The following RTF2 variants were observed in gnomAD, a reference collection of about 807,000 sequenced individuals.
The protein encoded by RTF2 is replication termination factor 2, also known as UPF0549 protein C20orf43.
RTF2 carries 18 observed loss-of-function variants against 38.0 expected under a neutral mutation model. The observed-to-expected ratio is 0.47, with a 90% CI of 0.33 to 0.70. The LOEUF (loss-of-function observed/expected upper bound fraction) is 0.70. Ranked by LOEUF, RTF2 falls within the 30% of genes least tolerant of loss-of-function variation. The pLI, the probability that RTF2 is intolerant of heterozygous loss-of-function variation, is 0.02. For synonymous variants in RTF2, 126 were observed against 137.1 expected (o/e 0.92, Z 0.57); for missense variants, 311 against 379.6 (o/e 0.82, Z 1.50).
intron 4 of RTF2, among the ~76,000 whole-genome samples, chr20:56,479,712 T>G (rs1018421009): frequency 5.3e-5 from 8 of 152,344 alleles, no homozygotes; most frequent in African/African-American, 1.7e-4. Flanking sequence ...GCAGAATGGT[T>G]GTTGTGTTAG....
At chr20:56,493,047 G>A (rs568078390) in intron 5 of RTF2, among the ~76,000 whole-genome samples, 195 of 152,038 alleles carry the variant, frequency 1.3e-3, no homozygotes, top group Non-Finnish European at 2.4e-3. Context: ...GTGGTGGTGC[G>A]TGCCTGTAAT....
intron 1 of RTF2, among the ~76,000 whole-genome samples, chr20:56,471,274 A>G (rs1981944867): frequency 6.6e-6 from 1 of 152,210 alleles, no homozygotes; most frequent in African/African-American, 2.4e-5. Flanking sequence ...AAGTATAGAA[A>G]AAACACTTGT....
intron 5 of RTF2, among the ~76,000 whole-genome samples, chr20:56,485,321 C>T (rs938613363): frequency 8.5e-5 from 13 of 152,140 alleles, no homozygotes; most frequent in African/African-American, 3.1e-4. Context: ...TGACAGAGGA[C>T]TTTGCGAGTT....
intron 2 of RTF2, among the ~76,000 whole-genome samples, chr20:56,473,718 T>A (rs1982087715): frequency 6.6e-6 from 1 of 152,084 alleles, no homozygotes; most frequent in South Asian, 2.1e-4. Flanking sequence ...ACCCCACCTC[T>A]ACAAAAAAAT....
intron 5 of RTF2, among the ~76,000 whole-genome samples, chr20:56,505,918 G>A (rs1366815426): frequency 6.6e-6 from 1 of 152,162 alleles, no homozygotes; most frequent in Non-Finnish European, 1.5e-5. Context: ...CAGGTGTCGT[G>A]AATACAGTGG....
intron 4 of RTF2, among the ~76,000 whole-genome samples, chr20:56,482,508 G>A (rs1982576564): frequency 6.6e-6 from 1 of 152,182 alleles, no homozygotes; most frequent in South Asian, 2.1e-4. Context: ...AGGATATAGA[G>A]GGCCAGCTGT....
chr20:56,505,030 A>G (rs144206681), intron 5 of RTF2, among the ~76,000 whole-genome samples: 7 of 152,334 alleles, frequency 4.6e-5, no homozygotes, highest in African/African-American at 1.4e-4. Context: ...GGGAGACCCC[A>G]TACATTTTGT....
chr20:56,505,568 C>G (rs1256363681), intron 5 of RTF2, among the ~76,000 whole-genome samples: 1 of 151,438 alleles, frequency 6.6e-6, no homozygotes, highest in Non-Finnish European at 1.5e-5. Flanking sequence ...TCACACTGGC[C>G]CATTCCTGGG....
At chr20:56,517,347 G>C (rs1985114560) in intron 8 of RTF2, 146 bp downstream of exon 8, 6 of 658,170 alleles carry the variant, frequency 9.1e-6, no homozygotes, top group Admixed American at 2.7e-5. Flanking sequence ...CTCTCTTTAG[G>C]GGGGTAACTA....
At position 56,518,336 on chromosome 20, in the gene RTF2, C is replaced by CTT; in HGVS notation, c.*72_*73insTT. 3.6e-6 allele frequency: 5 copies of CTT among 1,401,962 alleles called. No individual in the cohort carries two copies. The highest frequency in any genetic ancestry group is 3.9e-6 in the Non-Finnish European group (4 of 1,016,208). The allele number at this position is 1,401,962 out of a possible 1,614,324, so 86.8% of individuals were successfully genotyped here. A position where few individuals can be genotyped will look rare whatever the true frequency, so the allele number is the denominator to read the frequency against. On this transcript the variant is annotated 3_prime_UTR_variant, in exon 9 of 9. Transcript: ENST00000357348. ...CACGTAGGCAGGTCGCTTTGTGCCT[C>CTT]TGAGTGCGCTGCTGTGTGTTCTCTC...
intron 5 of RTF2, among the ~76,000 whole-genome samples, chr20:56,485,840 G>A (rs547752806): frequency 6.6e-6 from 1 of 152,346 alleles, no homozygotes; most frequent in African/African-American, 2.4e-5. Context: ...CAGTCCTGCA[G>A]GAATCATGTT....
chr20:56,477,384 A>G (rs1451841316), intron 4 of RTF2, among the ~76,000 whole-genome samples: 1 of 152,140 alleles, frequency 6.6e-6, no homozygotes, highest in Non-Finnish European at 1.5e-5. Context: ...GTGAAGTGGG[A>G]TTCTGAAAAG....
intron 5 of RTF2, among the ~76,000 whole-genome samples, chr20:56,508,780 G>T (rs979890402): frequency 6.6e-6 from 1 of 152,188 alleles, no homozygotes; most frequent in Admixed American, 6.5e-5. Flanking sequence ...GGAAAGAATA[G>T]TTTTTTCAAC....
intron 5 of RTF2, among the ~76,000 whole-genome samples, chr20:56,500,625 CCTT>C (rs1568704841): frequency 6.6e-6 from 1 of 152,166 alleles, no homozygotes; most frequent in Non-Finnish European, 1.5e-5. Context: ...CCTGCTGTGG[CCTT>C]CTACCTTGGT....
intron 6 of RTF2, 67 bp from the exon 7 acceptor site, chr20:56,516,868 C>T: frequency 6.9e-7 from 1 of 1,454,008 alleles, no homozygotes; most frequent in Non-Finnish European, 9.6e-7. Flanking sequence ...GGACAATGGG[C>T]AGCCACACTG....
At chr20:56,496,246 A>T (rs1229539311) in intron 5 of RTF2, among the ~76,000 whole-genome samples, 1 of 152,082 alleles carries the variant, frequency 6.6e-6, no homozygotes, top group Admixed American at 6.6e-5. Flanking sequence ...AAAATGTTCA[A>T]TTTTTTCAAT....
At chr20:56,515,301 G>A (rs191675055) in intron 6 of RTF2, among the ~76,000 whole-genome samples, 58 of 152,206 alleles carry the variant, frequency 3.8e-4, no homozygotes, top group African/African-American at 1.0e-3. Context: ...GCCGGGTGCC[G>A]TGGCTCACAC....
At chr20:56,507,130 C>T (rs1056367362) in intron 5 of RTF2, among the ~76,000 whole-genome samples, 4 of 152,134 alleles carry the variant, frequency 2.6e-5, no homozygotes, top group Admixed American at 2.0e-4. Flanking sequence ...AAGAAAAATG[C>T]ATTAGCAGGA....
intron 4 of RTF2, 115 bp from the exon 5 acceptor site, chr20:56,483,996 A>C (rs1982652670): frequency 1.4e-6 from 1 of 731,412 alleles, no homozygotes; most frequent in Non-Finnish European, 2.2e-6. Context: ...TTTTTTTAAT[A>C]GAGTAAAATG....
Sources: allele counts gnomAD v4.1 joint callset (sites outside exome capture counted in the v4.1 genomes callset), GRCh38; gene constraint gnomAD v4.1.1; transcripts MANE v1.5; gene names NCBI Gene and HGNC (gene_info 2026-07-23, HGNC 2026-07-21).